Variants in LARP4B observed in about 807,000 individuals in gnomAD.
LARP4B encodes the protein La ribonucleoprotein 4B.
Under a neutral mutation model 89.8 loss-of-function variants are expected in LARP4B, and 12 were observed. The ratio of observed to expected loss-of-function variants is 0.13; its 90% CI spans 0.09 to 0.22. LARP4B has a LOEUF of 0.22. Among genes scored for constraint, LARP4B ranks in the 10% least tolerant of loss-of-function variants. The pLI, the probability that LARP4B is intolerant of heterozygous loss-of-function variation, is 1.00. For missense variants in LARP4B, 757 were observed against 947.7 expected (o/e 0.80, Z 2.64); for synonymous variants, 367 against 363.3 (o/e 1.01, Z -0.12).
chr10:867,728 G>A (rs933387102), intron 3 of LARP4B, among the ~76,000 whole-genome samples: 2 of 151,866 alleles, frequency 1.3e-5, no homozygotes, highest in African/African-American at 4.8e-5. Flanking sequence ...GGGTGTGGTG[G>A]CACACACCTG....
At chr10:956,428 GTC>G in the LARP4B span, among the ~76,000 whole-genome samples, 2 of 151,126 alleles carry the variant, frequency 1.3e-5, no homozygotes, top group Admixed American at 6.6e-5. The surrounding 1 kb of genome is among the most constrained non-coding windows in gnomAD (Gnocchi z 4.3). Context: ...TCACTGCAAG[GTC>G]TGCCTCCCGG....
chr10:817,352 C>T (rs1588846369), intron 15 of LARP4B, among the ~76,000 whole-genome samples: 1 of 152,236 alleles, frequency 6.6e-6, no homozygotes, highest in East Asian at 1.9e-4. Flanking sequence ...TAGATTACTA[C>T]ACATTTTAAT....
intron 8 of LARP4B, among the ~76,000 whole-genome samples, chr10:835,761 C>T (rs866317537): frequency 6.6e-6 from 1 of 152,124 alleles, no homozygotes; most frequent in Non-Finnish European, 1.5e-5. Context: ...GGTGAAACCC[C>T]GTCTCTACTA....
At chr10:870,508 G>A (rs1221037967) in intron 3 of LARP4B, among the ~76,000 whole-genome samples, 1 of 152,136 alleles carries the variant, frequency 6.6e-6, no homozygotes, top group African/African-American at 2.4e-5. Context: ...AATTGCCACT[G>A]GGAGTGTCAC....
chr10:863,244 G>A (rs1269506472), intron 5 of LARP4B, among the ~76,000 whole-genome samples: 2 of 145,010 alleles, frequency 1.4e-5, no homozygotes, highest in South Asian at 2.2e-4. Flanking sequence ...TTTTTTTTGA[G>A]ATGGAGTCTC....
At chr10:931,392 G>T in intron 1 of LARP4B, 36 bp downstream of exon 1, 1 of 148,120 alleles carries the variant, frequency 6.8e-6, no homozygotes, top group South Asian at 1.9e-4. Flanking sequence ...GAGCTGGGCC[G>T]GGAGGGACGG....
At chr10:834,715 C>A (rs148509243) in intron 8 of LARP4B, among the ~76,000 whole-genome samples, 129 of 152,274 alleles carry the variant, frequency 8.5e-4, no homozygotes, top group South Asian at 7.7e-3. Flanking sequence ...AATATAAATA[C>A]TCCAAAATCA....
chr10:895,451 C>G (rs1003300235), intron 1 of LARP4B, among the ~76,000 whole-genome samples: 1 of 151,128 alleles, frequency 6.6e-6, no homozygotes. Context: ...GTAATCCCAA[C>G]ACTTTGGGAG....
At chr10:964,848 GACAGCACAGA>G in the LARP4B span, among the ~76,000 whole-genome samples, 2 of 152,206 alleles carry the variant, frequency 1.3e-5, no homozygotes, top group African/African-American at 4.8e-5. Flanking sequence ...GACAGCTCAG[GACAGCACAGA>G]ACAGCACAGC....
At position 810,521 on chromosome 10, in the gene LARP4B, C is replaced by G. The variant is rs961666861; in HGVS notation, c.*2405G>C. ...TCCTCATGCAGCTGTTGAGCTCCCA[C>G]TTCGGTCGACAAAGTGAAGGACTAA... On this transcript the variant is annotated 3_prime_UTR_variant, in exon 18 of 18. Coordinates refer to ENST00000316157, the MANE Select transcript of LARP4B (RefSeq NM_015155.3). The G allele has an allele frequency of 6.6e-6, 1 of 152,266 alleles. No homozygotes were observed. Among genetic ancestry groups the G allele is most frequent in the Non-Finnish European group, 1.5e-5 (1 of 68,084 alleles). 9.4% of individuals were successfully genotyped at this position (152,266 alleles called of 1,614,324 possible).
chr10:970,545 C>G, the LARP4B span, among the ~76,000 whole-genome samples: 2 of 152,166 alleles, frequency 1.3e-5, no homozygotes, highest in African/African-American at 4.8e-5. Flanking sequence ...TTTGAAAGCA[C>G]TCATCGGGAC....
At chr10:934,381 C>T (rs1830721137), upstream of LARP4B, among the ~76,000 whole-genome samples, 1 of 151,954 alleles carries the variant, frequency 6.6e-6, no homozygotes, top group Admixed American at 6.6e-5. Flanking sequence ...GGCTGTGGTT[C>T]CAGCTACTCA....
At chr10:972,102 A>T in the LARP4B span, 3 of 211,282 alleles carry the variant, frequency 1.4e-5, no homozygotes, top group Non-Finnish European at 2.9e-5. Context: ...ATCTCAGCTC[A>T]CTGCAACCTC....
chr10:850,106 G>C (rs571974628), intron 5 of LARP4B, among the ~76,000 whole-genome samples: 1 of 152,276 alleles, frequency 6.6e-6, no homozygotes, highest in East Asian at 1.9e-4. Flanking sequence ...GGAAAAACTG[G>C]GTGCCAGGTA....
In LARP4B at chr10:822,670, A is replaced by C. The variant is rs1194391338; in HGVS notation, c.1485-1825T>G. Reference sequence around the variant, plus strand: ...TGGGTTACAGCTCACAAGGGGTAGCAAGGGACCCAGGGTGGTCCCAGCACC... The same window carrying C: ...TGGGTTACAGCTCACAAGGGGTAGCCAGGGACCCAGGGTGGTCCCAGCACC... On this transcript the variant is annotated intron_variant, in intron 13 of 17. Coordinates refer to ENST00000316157, the MANE Select transcript of LARP4B (RefSeq NM_015155.3). This position sits in a 1 kb window ranked among gnomAD's most constrained non-coding sequence, Gnocchi z 4.6. Among the ~76,000 whole-genome samples, 4 of 152,198 alleles carry C rather than the reference A, an allele frequency of 2.6e-5. No homozygotes were observed. The highest frequency in any genetic ancestry group is 4.4e-5 in the Non-Finnish European group (3 of 68,034).
chr10:926,354 A>C (rs1006909182), intron 1 of LARP4B, among the ~76,000 whole-genome samples: 1 of 152,212 alleles, frequency 6.6e-6, no homozygotes, highest in African/African-American at 2.4e-5. Context: ...AAATATTTTA[A>C]AAATTTTTTT....
chr10:884,537 T>A, intron 2 of LARP4B, 31 bp from the exon 3 acceptor site: 1 of 1,416,924 alleles, frequency 7.1e-7, no homozygotes, highest in Non-Finnish European at 9.9e-7. Flanking sequence ...ACAACATCAG[T>A]ACAATGTTTA....
At chr10:903,370 G>A (rs993321957) in intron 1 of LARP4B, 9 of 152,184 alleles carry the variant, frequency 5.9e-5, no homozygotes, top group Non-Finnish European at 5.9e-5. Flanking sequence ...AGAACTGCCT[G>A]ATTCAATCTT....
intron 3 of LARP4B, among the ~76,000 whole-genome samples, chr10:877,030 T>C (rs1380799569): frequency 6.6e-6 from 1 of 152,114 alleles, no homozygotes; most frequent in African/African-American, 2.4e-5. Context: ...TAAGGAGCAA[T>C]GCACAGGATG....
Sources: allele counts gnomAD v4.1 joint callset (sites outside exome capture counted in the v4.1 genomes callset), GRCh38; gene constraint gnomAD v4.1.1; non-coding constraint Gnocchi (gnomAD v3.1); transcripts MANE v1.5; gene names NCBI Gene and HGNC (gene_info 2026-07-23, HGNC 2026-07-21).